The following CREB5 variants were observed in gnomAD, a reference collection of about 807,000 sequenced individuals.
CREB5 encodes the protein cyclic AMP-responsive element-binding protein 5.
A neutral mutation model predicts 57.1 loss-of-function variants in CREB5; 19 were observed. The ratio of observed to expected loss-of-function variants is 0.33; its 90% CI spans 0.23 to 0.49. CREB5 has a LOEUF of 0.49. Ranked by LOEUF, CREB5 falls within the 20% of genes least tolerant of loss-of-function variation. CREB5 has a pLI of 0.99. For missense variants in CREB5, 579 were observed against 671.6 expected, an observed-to-expected ratio of 0.86 and a Z score of 1.52; for synonymous variants, 238 against 238.3, an observed-to-expected ratio of 1.00 and a Z score of 0.01.
At chr7:28,714,598 A>G (rs1802573192) in intron 5 of CREB5, among the ~76,000 whole-genome samples, 1 of 152,246 alleles carries the variant, frequency 6.6e-6, no homozygotes. Flanking sequence ...TCGGGGGGAA[A>G]AATGAGGACA....
At chr7:28,725,442 A>G (rs535840868) in intron 7 of CREB5, among the ~76,000 whole-genome samples, 1 of 152,302 alleles carries the variant, frequency 6.6e-6, no homozygotes, top group African/African-American at 2.4e-5. Context: ...TCTGTGGTTG[A>G]GAGAGTTCTC....
At chr7:28,509,026 A>G (rs572976952) in intron 4 of CREB5, among the ~76,000 whole-genome samples, 2 of 152,320 alleles carry the variant, frequency 1.3e-5, no homozygotes, top group South Asian at 2.1e-4. Context: ...CAAGAGAGGA[A>G]GAAATTCTCA....
At chr7:28,560,866 C>CGCGCGCGCG (rs1562797336) in intron 4 of CREB5, among the ~76,000 whole-genome samples, 4 of 50,294 alleles carry the variant, frequency 8.0e-5, no homozygotes, top group South Asian at 9.1e-4. Flanking sequence ...GTGCGTGTGC[C>CGCGCGCGCG]TGCGTGCGCG....
chr7:28,397,113 G>T (rs78129825), intron 1 of CREB5, among the ~76,000 whole-genome samples: 3 of 152,070 alleles, frequency 2.0e-5, no homozygotes, highest in East Asian at 3.9e-4. Context: ...TTTTAAAGGC[G>T]CAGTGTAATG....
chr7:28,620,567 G>A (rs1797755839), intron 5 of CREB5, among the ~76,000 whole-genome samples: 1 of 152,136 alleles, frequency 6.6e-6, no homozygotes, highest in African/African-American at 2.4e-5. Context: ...TAAGTTTCTA[G>A]ATACAAATTA....
intron 7 of CREB5, among the ~76,000 whole-genome samples, chr7:28,725,638 C>CT (rs60312425): frequency 0.16 from 19,262 of 121,844 alleles, 1,433 homozygotes; most frequent in Admixed American, 0.19. Context: ...TGCCATATAT[C>CT]TTTTTTTAAA....
At chr7:28,688,060 A>C (rs1284972183) in intron 5 of CREB5, among the ~76,000 whole-genome samples, 1 of 152,244 alleles carries the variant, frequency 6.6e-6, no homozygotes, top group Admixed American at 6.5e-5. Context: ...TTTTCAGAGA[A>C]AAGTACATTT....
intron 4 of CREB5, among the ~76,000 whole-genome samples, chr7:28,544,191 T>C (rs1794322873): frequency 6.6e-6 from 1 of 152,118 alleles, no homozygotes; most frequent in Non-Finnish European, 1.5e-5. Context: ...GCTGGTCTCA[T>C]TGCTTTATAG....
At chr7:28,589,388 A>G (rs1012008999) in intron 5 of CREB5, among the ~76,000 whole-genome samples, 1 of 152,110 alleles carries the variant, frequency 6.6e-6, no homozygotes, top group Non-Finnish European at 1.5e-5. Context: ...CCCCATCTCT[A>G]CTAAAAATAT....
chr7:28,757,144 G>T (rs974762237), intron 7 of CREB5, among the ~76,000 whole-genome samples: 1 of 152,130 alleles, frequency 6.6e-6, no homozygotes, highest in East Asian at 1.9e-4. Flanking sequence ...TTTGTAAATA[G>T]TAACACAGTA....
At chr7:28,808,329 T>G (rs1186439134) in intron 8 of CREB5, among the ~76,000 whole-genome samples, 4 of 152,310 alleles carry the variant, frequency 2.6e-5, no homozygotes, top group Admixed American at 1.3e-4. Context: ...CCTGGCTTCA[T>G]GGGCTTCTTT....
intron 1 of CREB5, among the ~76,000 whole-genome samples, chr7:28,455,734 T>C (rs1377284128): frequency 6.6e-6 from 1 of 152,074 alleles, no homozygotes; most frequent in Non-Finnish European, 1.5e-5. Context: ...GCCAGTATTT[T>C]AGGAAGATCC....
At chr7:28,674,516 C>G (rs1800226638) in intron 5 of CREB5, among the ~76,000 whole-genome samples, 1 of 152,194 alleles carries the variant, frequency 6.6e-6, no homozygotes, top group Non-Finnish European at 1.5e-5. Context: ...TTTACACTGC[C>G]TATGGCCTTA....
At chr7:28,482,642 G>A (rs1427203017) in intron 1 of CREB5, among the ~76,000 whole-genome samples, 1 of 152,188 alleles carries the variant, frequency 6.6e-6, no homozygotes, top group African/African-American at 2.4e-5. Context: ...TGCCAAGAAG[G>A]CTCTTCCCAC....
At chr7:28,759,810 C>G (rs1040879677) in intron 7 of CREB5, among the ~76,000 whole-genome samples, 1 of 152,212 alleles carries the variant, frequency 6.6e-6, no homozygotes, top group African/African-American at 2.4e-5. Context: ...AATTTACATA[C>G]CACGCAACTT....
rs534722547 is a variant in CREB5 at position 28,561,728 on chromosome 7, A to C, written c.292-8637A>C. Among the ~76,000 whole-genome samples the C allele has an allele frequency of 7.9e-5, 12 of 152,332 alleles. 1 individual carries two copies. The highest frequency in any genetic ancestry group is 2.6e-4 in the African/African-American group (11 of 41,584). ...TGAACACATCATGTTTTCTGCTGCAAGAACAGTGAACAGTTATGTCATTTT... is the reference window on the plus strand; with the variant it reads ...TGAACACATCATGTTTTCTGCTGCACGAACAGTGAACAGTTATGTCATTTT... On this transcript the variant is annotated intron_variant, in intron 4 of 10. Transcript: ENST00000357727.
intron 7 of CREB5, among the ~76,000 whole-genome samples, chr7:28,771,000 T>C (rs1399927926): frequency 6.6e-6 from 1 of 152,230 alleles, no homozygotes; most frequent in Middle Eastern, 3.2e-3. Context: ...ACAAAATATA[T>C]ATGATAGCAA....
chr7:28,712,209 T>A (rs530923833), intron 5 of CREB5, among the ~76,000 whole-genome samples: 3 of 152,268 alleles, frequency 2.0e-5, no homozygotes, highest in African/African-American at 7.2e-5. Context: ...ACCTTCTACT[T>A]GATTATTCTA....
At chr7:28,559,155 T>C (rs1450950522) in intron 4 of CREB5, among the ~76,000 whole-genome samples, 1 of 152,200 alleles carries the variant, frequency 6.6e-6, no homozygotes, top group Non-Finnish European at 1.5e-5. Flanking sequence ...GCTTTGGTTT[T>C]TCCTGTCGGT....
Sources: allele counts gnomAD v4.1 joint callset (sites outside exome capture counted in the v4.1 genomes callset), GRCh38; gene constraint gnomAD v4.1.1; transcripts MANE v1.5; gene names NCBI Gene and HGNC (gene_info 2026-07-23, HGNC 2026-07-21).